PTPRD: variants seen among roughly 807,000 people sequenced by gnomAD.
PTPRD encodes the protein receptor-type tyrosine-protein phosphatase delta.
PTPRD carries 34 observed loss-of-function variants against 214.5 expected under a neutral mutation model. The observed-to-expected ratio is 0.16, with a 90% confidence interval of 0.12 to 0.21. The LOEUF (loss-of-function observed/expected upper bound fraction) is 0.21. Ranked by LOEUF, PTPRD falls within the 10% of genes least tolerant of loss-of-function variation. PTPRD has a pLI of 1.00. For missense variants in PTPRD, 2,545 were observed against 2,398.7 expected (o/e 1.06, Z -1.27); for synonymous variants, 1,128 against 845.7 (o/e 1.33, Z -5.79).
chr9:8,947,441 T>C (rs1315537550), intron 11 of PTPRD, among the ~76,000 whole-genome samples: 3 of 128,040 alleles, frequency 2.3e-5, no homozygotes, highest in African/African-American at 9.2e-5. Flanking sequence ...CCAGCCTGGA[T>C]GACAGAGCGA....
At chr9:10,294,123 T>C (rs141709208) in intron 3 of PTPRD, among the ~76,000 whole-genome samples, 2,316 of 152,014 alleles carry the variant, frequency 0.015, 56 homozygotes, top group African/African-American at 0.05. Context: ...TGATTGGAAA[T>C]TGGCAATATC....
intron 34 of PTPRD, chr9:8,437,141 G>C (rs10977104): frequency 0.098 from 119,554 of 1,225,374 alleles, 7,760 homozygotes; most frequent in East Asian, 0.26. Context: ...AAAAGGGAAA[G>C]AGTAGTAGCT....
chr9:9,535,580 A>T (rs969780343), intron 8 of PTPRD, among the ~76,000 whole-genome samples: 2 of 152,100 alleles, frequency 1.3e-5, no homozygotes, highest in Non-Finnish European at 2.9e-5. Context: ...ATTTTTTTAA[A>T]AGCAGCCAAT....
chr9:9,510,484 G>A (rs552336884), intron 8 of PTPRD, among the ~76,000 whole-genome samples: 3 of 151,498 alleles, frequency 2.0e-5, no homozygotes, highest in Non-Finnish European at 4.4e-5. Flanking sequence ...ATAGTTAGTT[G>A]CTTTAATACT....
chr9:9,731,575 C>T (rs2098193454), intron 7 of PTPRD, among the ~76,000 whole-genome samples: 1 of 152,038 alleles, frequency 6.6e-6, no homozygotes, highest in African/African-American at 2.4e-5. Flanking sequence ...TCGTCATTTA[C>T]ATTAGGTATA....
At chr9:10,285,408 A>G (rs1421896202) in intron 3 of PTPRD, among the ~76,000 whole-genome samples, 1 of 152,032 alleles carries the variant, frequency 6.6e-6, no homozygotes, top group African/African-American at 2.4e-5. Flanking sequence ...CCCAAGTGCA[A>G]TTTCATTCTT....
intron 3 of PTPRD, among the ~76,000 whole-genome samples, chr9:10,259,962 C>A (rs1215550475): frequency 6.6e-6 from 1 of 152,204 alleles, no homozygotes; most frequent in Admixed American, 6.5e-5. Context: ...CTCCCTTTCA[C>A]AGTGGAGCTG....
chr9:10,612,907 G>T lies in PTPRD; in HGVS notation c.-927C>A, dbSNP rs979680203. Among the ~76,000 whole-genome samples, 1 of 151,728 alleles carries T rather than the reference G, an allele frequency of 6.6e-6. No homozygotes were observed. The highest frequency in any genetic ancestry group is 2.4e-5 in the African/African-American group (1 of 41,380). On this transcript the variant is annotated 5_prime_UTR_variant, in exon 1 of 46. Transcript: ENST00000381196. ...GGCGCTGCCCCCACGCGCTCCGGCC[G>T]CCGGCTGCGGGCGCGGCTGGGCGGG...
At chr9:9,572,383 T>C (rs1377734764) in intron 8 of PTPRD, among the ~76,000 whole-genome samples, 1 of 151,290 alleles carries the variant, frequency 6.6e-6, no homozygotes, top group African/African-American at 2.4e-5. Flanking sequence ...TGAATCAGGA[T>C]TATTACTTCA....
chr9:8,672,148 C>G (rs1251880728), intron 12 of PTPRD, among the ~76,000 whole-genome samples: 1 of 152,148 alleles, frequency 6.6e-6, no homozygotes, highest in East Asian at 1.9e-4. Context: ...TGAAGTCAAT[C>G]TAACACTAAT....
chr9:8,876,224 G>GTTGTTGT (rs1555464147), intron 11 of PTPRD, among the ~76,000 whole-genome samples: 2 of 151,072 alleles, frequency 1.3e-5, no homozygotes, highest in African/African-American at 2.4e-5. Flanking sequence ...ATGTGTGTGT[G>GTTGTTGT]TGTTGTTGTT....
chr9:10,126,435 AC>A, intron 3 of PTPRD, among the ~76,000 whole-genome samples: 2 of 129,478 alleles, frequency 1.5e-5, no homozygotes, highest in South Asian at 5.1e-4. Context: ...ATACACACAC[AC>A]ACACACACAC....
At position 9,381,724 on chromosome 9, in the gene PTPRD, G is replaced by A. The variant is rs532306901; in HGVS notation, c.-203+15725C>T. 3.8e-3 allele frequency among the ~76,000 whole-genome samples: 545 copies of A among 144,042 alleles called. 6 individuals carry two copies. Among genetic ancestry groups the A allele is most frequent in the African/African-American group, 0.013 (513 of 39,038 alleles). 94.5% of individuals were successfully genotyped at this position (144,042 alleles called of 152,430 possible). Reference sequence around the variant, plus strand: ...TTGTTTTTTGTTTTTGTTTTTTTTTGTTTGTTTTTTAGTGGCTACCATAAA... The same window carrying A: ...TTGTTTTTTGTTTTTGTTTTTTTTTATTTGTTTTTTAGTGGCTACCATAAA... On this transcript the variant is annotated intron_variant, in intron 9 of 45. Coordinates refer to ENST00000381196, the MANE Select transcript of PTPRD (RefSeq NM_002839.4).
At chr9:8,816,722 T>C (rs530400484) in intron 11 of PTPRD, among the ~76,000 whole-genome samples, 1 of 152,354 alleles carries the variant, frequency 6.6e-6, no homozygotes, top group South Asian at 2.1e-4. Context: ...AGGCACTCTT[T>C]CCATATCAAC....
chr9:8,438,625 G>C (rs778596905), intron 34 of PTPRD: 1 of 152,200 alleles, frequency 6.6e-6, no homozygotes, highest in Non-Finnish European at 1.5e-5. Flanking sequence ...GGCTTATCTG[G>C]AAATGGAAAT....
chr9:8,843,240 G>T (rs1000176962), intron 11 of PTPRD, among the ~76,000 whole-genome samples: 9 of 152,290 alleles, frequency 5.9e-5, no homozygotes, highest in South Asian at 4.1e-4. Flanking sequence ...TTCACATCGG[G>T]CTGGTACAAA....
intron 10 of PTPRD, among the ~76,000 whole-genome samples, chr9:9,157,529 A>C (rs1324923923): frequency 6.6e-6 from 1 of 152,210 alleles, no homozygotes; most frequent in African/African-American, 2.4e-5. Flanking sequence ...GAAATGGATA[A>C]ATTCCTAGAC....
intron 6 of PTPRD, among the ~76,000 whole-genome samples, chr9:9,746,431 A>G (rs908047472): frequency 2.0e-5 from 3 of 152,194 alleles, no homozygotes; most frequent in African/African-American, 7.2e-5. Flanking sequence ...AGATAGAGTA[A>G]TTAGCACAAT....
At chr9:8,629,898 A>C (rs563917498) in intron 14 of PTPRD, among the ~76,000 whole-genome samples, 2 of 151,814 alleles carry the variant, frequency 1.3e-5, no homozygotes, top group Admixed American at 1.3e-4. Context: ...CTCCTTATTG[A>C]AACACAGTTT....
Sources: gnomAD v4.1 joint callset for allele counts (sites outside exome capture counted in the v4.1 genomes callset) on GRCh38, gnomAD v4.1.1 for gene constraint, MANE v1.5 for transcripts, NCBI Gene and HGNC (gene_info 2026-07-23, HGNC 2026-07-21) for gene names.